WNK3: variants seen among roughly 807,000 people sequenced by gnomAD.
WNK3 encodes the protein WNK lysine deficient protein kinase 3.
In WNK3, 18 loss-of-function variants were observed where a neutral mutation model predicts 116.7. That is an observed-to-expected ratio of 0.15 (90% CI 0.11 to 0.23). The LOEUF (loss-of-function observed/expected upper bound fraction) is 0.23, where lower values mean the gene tolerates loss of function less well. Ranked by LOEUF, WNK3 falls within the 10% of genes least tolerant of loss-of-function variation. The pLI is 1.00. For synonymous variants in WNK3, 404 were observed against 469.4 expected (o/e 0.86, Z 1.80); for missense variants, 993 against 1,323.8 (o/e 0.75, Z 3.88).
At chrX:54,336,312 T>C (rs1309415351) in intron 1 of WNK3, among the ~76,000 whole-genome samples, 3 of 109,844 alleles carry the variant, frequency 2.7e-5, no homozygotes, top group African/African-American at 9.9e-5. Context: ...AGAGTGAGAC[T>C]CTGTCTCACC....
chrX:54,328,814 G>A (rs1448507985), intron 2 of WNK3, among the ~76,000 whole-genome samples: 1 of 110,798 alleles, frequency 9.0e-6, no homozygotes, highest in Non-Finnish European at 1.9e-5. Context: ...TTGAGACAGG[G>A]TCTCATTCTG....
At chrX:54,203,923 G>C (rs2067525653) in intron 22 of WNK3, among the ~76,000 whole-genome samples, 1 of 109,761 alleles carries the variant, frequency 9.1e-6, no homozygotes, top group Non-Finnish European at 1.9e-5. Context: ...CTCCAGCCTG[G>C]GCAACAGAGC....
intron 17 of WNK3, among the ~76,000 whole-genome samples, chrX:54,245,160 G>A (rs1697666960): frequency 9.4e-6 from 1 of 106,561 alleles, no homozygotes; most frequent in East Asian, 2.9e-4. Context: ...GTGTGTGTGT[G>A]TGTGTGTGTG....
exon 24 of WNK3, chrX:54,198,237 G>T: frequency 1.2e-6 from 1 of 844,155 alleles, no homozygotes; most frequent in Non-Finnish European, 1.6e-6. Flanking sequence ...AAATATGACA[G>T]AACCCAAGAG....
At chrX:54,268,039 A>G (rs1280615067) in intron 10 of WNK3, among the ~76,000 whole-genome samples, 2 of 107,922 alleles carry the variant, frequency 1.9e-5, no homozygotes, top group African/African-American at 6.8e-5. Context: ...CTCCTAGAAC[A>G]CAAAGTCAAA....
chrX:54,348,042 A>G (rs2069460566), intron 1 of WNK3, among the ~76,000 whole-genome samples: 1 of 110,685 alleles, frequency 9.0e-6, no homozygotes, highest in East Asian at 2.8e-4. Flanking sequence ...TTTCCTTTTC[A>G]GTACATATAA....
intron 11 of WNK3, 96 bp downstream of exon 11, chrX:54,259,178 G>A: frequency 8.9e-6 from 3 of 338,075 alleles, no homozygotes; most frequent in Non-Finnish European, 4.8e-6. Context: ...CAAGAATACA[G>A]AAGCTTCTCT....
intron 2 of WNK3, among the ~76,000 whole-genome samples, chrX:54,332,862 C>T: frequency 1.0e-5 from 1 of 97,393 alleles, no homozygotes; most frequent in East Asian, 3.1e-4. Context: ...AAGATTCCGC[C>T]TCAAAAAAAA....
exon 17 of WNK3, chrX:54,248,918 G>T (rs1557153333): frequency 8.3e-7 from 1 of 1,211,314 alleles, no homozygotes. Flanking sequence ...GAAGAAAATG[G>T]AGAGTCTATG....
intron 1 of WNK3, among the ~76,000 whole-genome samples, chrX:54,336,522 A>C (rs1234981720): frequency 9.0e-6 from 1 of 111,609 alleles, no homozygotes; most frequent in Non-Finnish European, 1.9e-5. Flanking sequence ...TAATTAGCTG[A>C]TCCAGGCAGA....
At chrX:54,224,517 C>G (rs1281530119) in intron 22 of WNK3, among the ~76,000 whole-genome samples, 1 of 109,444 alleles carries the variant, frequency 9.1e-6, no homozygotes, top group Non-Finnish European at 1.9e-5. Context: ...CCAAAATACA[C>G]AACGCAAAAT....
intron 3 of WNK3, among the ~76,000 whole-genome samples, chrX:54,309,855 C>T (rs781790478): frequency 9.0e-6 from 1 of 111,486 alleles, no homozygotes; most frequent in Non-Finnish European, 1.9e-5. Context: ...TTAATTCAAA[C>T]TAAAAATCAT....
At chrX:54,349,698 T>C (rs1557178214) in intron 1 of WNK3, among the ~76,000 whole-genome samples, 1 of 111,493 alleles carries the variant, frequency 9.0e-6, no homozygotes, top group African/African-American at 3.3e-5. Flanking sequence ...GATAGTAACA[T>C]ATAGTTATAG....
exon 7 of WNK3, chrX:54,298,306 T>C (rs2068720336): frequency 2.5e-6 from 3 of 1,211,166 alleles, no homozygotes; most frequent in South Asian, 1.8e-5. Flanking sequence ...AGGGATGAAT[T>C]TGAGCAATCA....
chrX:54,308,937 T>C (rs1406445841), intron 4 of WNK3, among the ~76,000 whole-genome samples, 158 bp downstream of exon 4: 1 of 111,957 alleles, frequency 8.9e-6, no homozygotes, highest in Non-Finnish European at 1.9e-5. Flanking sequence ...AATCTGTAAA[T>C]GAGTGAGTGT....
intron 1 of WNK3, among the ~76,000 whole-genome samples, chrX:54,355,657 G>C (rs2069584169): frequency 9.0e-6 from 1 of 111,184 alleles, no homozygotes; most frequent in South Asian, 3.8e-4. Flanking sequence ...CCATAAATCT[G>C]TTTATGTTAT....
At chrX:54,315,261 C>T (rs998658204) in intron 2 of WNK3, among the ~76,000 whole-genome samples, 6 of 103,077 alleles carry the variant, frequency 5.8e-5, no homozygotes, top group Non-Finnish European at 1.2e-4. Flanking sequence ...CAAGATTCTG[C>T]TACTGCACTC....
In WNK3 at chrX:54,215,685, C is replaced by T. The variant is rs782562656; in HGVS notation, c.4870+13029G>A. On this transcript the variant is annotated intron_variant, in intron 22 of 23. Coordinates refer to ENST00000354646, the Ensembl canonical transcript of WNK3. ...GAAGTGAGGAGCGTCTCTGCCCGGC[C>T]GCCCATCGTCTGGGATGTGGGGAGC... is the stretch of plus-strand genomic sequence containing the variant. Among the ~76,000 whole-genome samples the T allele has an allele frequency of 2.4e-4, 27 of 110,384 alleles. No homozygotes were observed. The South Asian group carries it at 7.0e-3, about 29-fold the overall frequency.
Position 54,222,915 on chromosome X carries a change from AATATAT to A in WNK3, c.4870+5793_4870+5798del, listed in dbSNP as rs782107262. Among the ~76,000 whole-genome samples the A allele has an allele frequency of 5.7e-3, 459 of 81,015 alleles. 4 individuals are homozygous for A. The highest frequency in any genetic ancestry group is 9.6e-3 in the Admixed American group (65 of 6,795). The allele number at this position is 81,015 out of a possible 115,157, so 70.4% of individuals were successfully genotyped here. A position where few individuals can be genotyped will look rare whatever the true frequency, so the allele number is the denominator to read the frequency against. On this transcript the variant is annotated intron_variant, in intron 22 of 23. Coordinates refer to ENST00000354646, the Ensembl canonical transcript of WNK3. ...ATAGTATAATAATAATAATAATAAT[AATATAT>A]ATATATATATATATATATAAAAAAA...
Sources: allele counts gnomAD v4.1 joint callset (sites outside exome capture counted in the v4.1 genomes callset), GRCh38; gene constraint gnomAD v4.1.1; transcripts MANE v1.5; gene names NCBI Gene and HGNC (gene_info 2026-07-23, HGNC 2026-07-21).